Variants in SNX1 observed in about 807,000 individuals in gnomAD.
The protein encoded by SNX1 is sorting nexin-1.
In SNX1, 36 loss-of-function variants were observed where a neutral mutation model predicts 71.8. That is an observed-to-expected ratio of 0.50 (90% CI 0.38 to 0.66). SNX1 has a LOEUF of 0.66. SNX1 is among the 30% of genes least tolerant of loss of function. SNX1 has a pLI of 0.00. For synonymous variants in SNX1, 254 were observed against 240.7 expected, an observed-to-expected ratio of 1.06 and a Z score of -0.51; for missense variants, 612 against 646.7, an observed-to-expected ratio of 0.95 and a Z score of 0.58.
Position 64,138,052 on chromosome 15 carries a change from A to G in SNX1, c.*434A>G. 4 of 1,527,560 alleles carry G rather than the reference A, an allele frequency of 2.6e-6. No individual in the cohort carries two copies. Among genetic ancestry groups the G allele is most frequent in the Non-Finnish European group, 3.5e-6 (4 of 1,144,598 alleles). 94.6% of individuals were successfully genotyped at this position (1,527,560 alleles called of 1,614,324 possible). ...GTGGTTTTTGCTTAGGCTGGGGAGC[A>G]GTTGGGAATCAGGTCTGGAATACTC... On this transcript the variant is annotated 3_prime_UTR_variant, in exon 15 of 15. Coordinates refer to ENST00000559844, the MANE Select transcript of SNX1 (RefSeq NM_003099.5).
chr15:64,097,400 GA>G (rs869226604), intron 1 of SNX1, among the ~76,000 whole-genome samples: 3 of 144,064 alleles, frequency 2.1e-5, no homozygotes, highest in Non-Finnish European at 4.5e-5. Context: ...TCAGCTTTGG[GA>G]AGTCAGCACG....
rs75750400 is a variant in SNX1 at position 64,107,080 on chromosome 15, G to C, written c.160-5493G>C. Among the ~76,000 whole-genome samples the C allele has an allele frequency of 1.6e-4, 25 of 152,254 alleles. No homozygotes were observed. In the East Asian group the frequency reaches 3.9e-3, roughly 23 times the overall value. The stretch of plus-strand genomic sequence containing the variant: ...CCATGGAGGCCCATTTATGATCTGG[G>C]TATAGCTCCTGGGATAGATTTACTC... On this transcript the variant is annotated intron_variant, in intron 1 of 14. Coordinates refer to ENST00000559844, the MANE Select transcript of SNX1 (RefSeq NM_003099.5).
At chr15:64,119,178 G>A (rs559082521) in intron 4 of SNX1, among the ~76,000 whole-genome samples, 1 of 152,166 alleles carries the variant, frequency 6.6e-6, no homozygotes, top group African/African-American at 2.4e-5. Flanking sequence ...GAGCACAGTA[G>A]CACTATCATA....
Position 64,127,776 on chromosome 15 carries a change from T to A in SNX1, c.777T>A (p.Pro259=), listed in dbSNP as rs1429783003. ...IVNHPTMLQD[P]DVREFLEKEE... is the part of the protein sequence containing the mutation. ...ATCATCCTACCATGTTACAGGACCC[T>A]GACGTCAGAGAGTTCTTGGAAAAAG... is the stretch of plus-strand genomic sequence containing the variant. Residue 259 remains proline (P), a synonymous_variant, in exon 8 of 15, where the codon CCT becomes CCA. Coordinates refer to ENST00000559844, the MANE Select transcript of SNX1 (RefSeq NM_003099.5). The A allele has an allele frequency of 1.9e-6, 3 of 1,613,864 alleles. No homozygotes were observed. In the Admixed American group the frequency reaches 5.0e-5, roughly 27 times the overall value.
chr15:64,112,919 CAAT>C (rs1259461332), intron 2 of SNX1, among the ~76,000 whole-genome samples: 2 of 152,076 alleles, frequency 1.3e-5, no homozygotes, highest in Non-Finnish European at 2.9e-5. Context: ...AACTGTTAAA[CAAT>C]AACAGAAATG....
At chr15:64,128,308 C>T (rs987719356) in intron 8 of SNX1, among the ~76,000 whole-genome samples, 1 of 152,218 alleles carries the variant, frequency 6.6e-6, no homozygotes. Context: ...TAACCAAATA[C>T]TTGATTCTCA....
intron 1 of SNX1, among the ~76,000 whole-genome samples, chr15:64,096,838 T>A (rs936745126): frequency 1.3e-5 from 2 of 152,164 alleles, no homozygotes; most frequent in African/African-American, 4.8e-5. Flanking sequence ...ATCTGAAATG[T>A]GATGAGGAAA....
At chr15:64,097,115 G>T (rs936651967) in intron 1 of SNX1, among the ~76,000 whole-genome samples, 1 of 105,118 alleles carries the variant, frequency 9.5e-6, no homozygotes, top group African/African-American at 3.8e-5. Flanking sequence ...CCCTTATCTG[G>T]ATGAAGGATT....
chr15:64,131,619 G>T (rs1185015203), intron 10 of SNX1, 68 bp from the exon 11 acceptor site: 63 of 1,488,472 alleles, frequency 4.2e-5, no homozygotes, highest in Admixed American at 3.3e-4. Context: ...ATGCCATGCA[G>T]TGTCAGCTGA....
intron 2 of SNX1, among the ~76,000 whole-genome samples, chr15:64,116,896 C>A (rs1286123114): frequency 6.6e-6 from 1 of 152,182 alleles, no homozygotes; most frequent in African/African-American, 2.4e-5. Flanking sequence ...GAGTACTCCC[C>A]AGATAGACAA....
rs1364316043 is a variant in SNX1, at chr15:64,141,044, AGATAGATT to A, written c.*3430_*3437del. Reference sequence around the variant, plus strand: ...AGATAGATGATAGATATAGATAGATAGATAGATTGATTGATTTGTAGAAACAAGATAGG... The same window carrying A: ...AGATAGATGATAGATATAGATAGATAGATTGATTTGTAGAAACAAGATAGG... On this transcript the variant is annotated 3_prime_UTR_variant, in exon 15 of 15. Transcript: ENST00000559844. This position sits in a 1 kb window ranked among gnomAD's most constrained non-coding sequence, Gnocchi z 5.1. 9.2e-3 allele frequency: 1,325 copies of A among 143,798 alleles called. 16 individuals are homozygous for A. Among genetic ancestry groups the A allele is most frequent in the African/African-American group, 0.035 (1,269 of 36,308 alleles). 8.9% of individuals were successfully genotyped at this position (143,798 alleles called of 1,614,324 possible). A position where few individuals can be genotyped will look rare whatever the true frequency, so the allele number is the denominator to read the frequency against.
chr15:64,112,558 T>A lies in SNX1; in HGVS notation c.160-15T>A. 6.4e-7 allele frequency: 1 copy of A among 1,551,946 alleles called. No individual in the cohort carries two copies. Among genetic ancestry groups the A allele is most frequent in the South Asian group, 1.1e-5 (1 of 87,074 alleles). On this transcript the variant is annotated splice_polypyrimidine_tract_variant and intron_variant, in intron 1 of 14. Transcript: ENST00000559844. ...TCATGGTAATGTTTTATTCAGAGTA[T>A]CTCTTTGTTTTCAGAGTAAACATCA...
At chr15:64,121,969 C>G (rs1470493668) in intron 4 of SNX1, among the ~76,000 whole-genome samples, 1 of 152,178 alleles carries the variant, frequency 6.6e-6, no homozygotes, top group Non-Finnish European at 1.5e-5. Context: ...TTATCTTCAA[C>G]TCTGAAATTA....
chr15:64,118,765 T>C, intron 3 of SNX1, 23 bp from the exon 4 acceptor site: 1 of 1,591,628 alleles, frequency 6.3e-7, no homozygotes, highest in East Asian at 2.2e-5. Context: ...TCAACTCTCA[T>C]GATTTGTCTT....
In SNX1 at chr15:64,096,046, G is replaced by A. The variant is rs1296883523; in HGVS notation, c.33G>A (p.Ser11=). 10 of 1,593,364 alleles carry A rather than the reference G, an allele frequency of 6.3e-6. No homozygotes were observed. Among genetic ancestry groups the A allele is most frequent in the Non-Finnish European group, 8.5e-6 (10 of 1,173,956 alleles). MASGGGGCSA[S]ERLPPPFPGL... is the part of the protein sequence containing the mutation. The stretch of plus-strand genomic sequence containing the variant: ...CGGGTGGTGGTGGCTGTAGCGCTTC[G>A]GAGAGACTGCCTCCGCCCTTCCCCG... Residue 11 remains serine (S), a synonymous_variant, in exon 1 of 15, where the codon TCG becomes TCA. Transcript: ENST00000559844.
Position 64,096,050 on chromosome 15 carries a change from A to G in SNX1, c.37A>G (p.Arg13Gly). 1 of 1,592,696 alleles carries G rather than the reference A, an allele frequency of 6.3e-7. No individual in the cohort carries two copies. Among genetic ancestry groups the G allele is most frequent in the Non-Finnish European group, 8.5e-7 (1 of 1,173,548 alleles). ...TGGTGGTGGCTGTAGCGCTTCGGAG[A>G]GACTGCCTCCGCCCTTCCCCGGCCT... ...SGGGGCSASE[R>G]LPPPFPGLEP... The change falls in exon 1 of 15, where the codon AGA (arginine) becomes GGA (glycine). Residue 13 changes from arginine (R) to glycine (G), a missense_variant. Arg to Gly is a moderately radical substitution (Grantham distance 125). Transcript: ENST00000559844.
intron 4 of SNX1, among the ~76,000 whole-genome samples, chr15:64,121,060 C>A (rs1009256274): frequency 5.3e-5 from 8 of 152,164 alleles, no homozygotes; most frequent in African/African-American, 1.9e-4. Flanking sequence ...TTCTCTCTTG[C>A]TTCTCTAATA....
chr15:64,142,649 T>C lies in SNX1; in HGVS notation c.*5031T>C, dbSNP rs753791159. Reference sequence around the variant, plus strand: ...AGATAGGAATGTCATATTTACCTATTTAAGCCAAGTTTTTTTAGATAAAAG... The same window carrying C: ...AGATAGGAATGTCATATTTACCTATCTAAGCCAAGTTTTTTTAGATAAAAG... On this transcript the variant is annotated 3_prime_UTR_variant, in exon 15 of 15. Transcript: ENST00000559844. 6.6e-6 allele frequency: 3 copies of C among 455,902 alleles called. No individual in the cohort carries two copies. Among genetic ancestry groups the C allele is most frequent in the Non-Finnish European group, 1.3e-5 (3 of 226,788 alleles). The allele number at this position is 455,902 out of a possible 1,614,324, so 28.2% of individuals were successfully genotyped here. A position where few individuals can be genotyped will look rare whatever the true frequency, so the allele number is the denominator to read the frequency against.
In SNX1 at chr15:64,118,887, G is replaced by A. The variant is rs771670881; in HGVS notation, c.466+33G>A. The A allele has an allele frequency of 1.9e-6, 3 of 1,554,758 alleles. No homozygotes were observed. The South Asian group carries it at 3.4e-5, about 18-fold the overall frequency. On this transcript the variant is annotated intron_variant, in intron 4 of 14. Coordinates refer to ENST00000559844, the MANE Select transcript of SNX1 (RefSeq NM_003099.5). ...GTTCTTAGGACTCCTTGTGATGTTAGGATGTGGCTGTGGAAAGCATAGGTA... is the reference window on the plus strand; with the variant it reads ...GTTCTTAGGACTCCTTGTGATGTTAAGATGTGGCTGTGGAAAGCATAGGTA...
Sources: allele counts gnomAD v4.1 joint callset (sites outside exome capture counted in the v4.1 genomes callset), GRCh38; gene constraint gnomAD v4.1.1; non-coding constraint Gnocchi (gnomAD v3.1); transcripts MANE v1.5; gene names NCBI Gene and HGNC (gene_info 2026-07-23, HGNC 2026-07-21).